The following PLEKHF1 variants were observed in gnomAD, a reference collection of about 807,000 sequenced individuals.
PLEKHF1 encodes the protein pleckstrin homology domain-containing family F member 1.
PLEKHF1 carries 1 observed loss-of-function variant against 4.1 expected under a neutral mutation model. That is an observed-to-expected ratio of 0.24 (90% CI 0.09 to 1.15). The LOEUF (loss-of-function observed/expected upper bound fraction) is 1.15. Among genes scored for constraint, PLEKHF1 ranks in the 50% most tolerant of loss-of-function variants. The pLI, the probability that PLEKHF1 is intolerant of heterozygous loss-of-function variation, is 0.52. For missense variants in PLEKHF1, 429 were observed against 400.6 expected, an observed-to-expected ratio of 1.07 and a Z score of -0.60; for synonymous variants, 182 against 178.5, an observed-to-expected ratio of 1.02 and a Z score of -0.16.
Position 29,667,466 on chromosome 19 carries a change from G to C in PLEKHF1, c.-17+1961G>C, listed in dbSNP as rs80309147. On this transcript the variant is annotated intron_variant, in intron 1 of 1. Transcript: ENST00000436066. ...ATGGAAGCAGGGTGGGTCTGCGTGCGGCCCAGGTCCCTGCAGGGAAGGAGG... is the reference window on the plus strand; with the variant it reads ...ATGGAAGCAGGGTGGGTCTGCGTGCCGCCCAGGTCCCTGCAGGGAAGGAGG... Among the ~76,000 whole-genome samples the C allele has an allele frequency of 5.8e-3, 877 of 152,288 alleles. 6 individuals carry two copies. Among genetic ancestry groups the C allele is most frequent in the Non-Finnish European group, 6.9e-3 (470 of 68,018 alleles).
At chr19:29,666,436 A>G (rs1971570353) in intron 1 of PLEKHF1, among the ~76,000 whole-genome samples, 1 of 152,172 alleles carries the variant, frequency 6.6e-6, no homozygotes, top group East Asian at 1.9e-4. Context: ...CCGGGCTGCC[A>G]AAACACAGGC....
At chr19:29,670,214 G>A (rs1971615016) in intron 1 of PLEKHF1, among the ~76,000 whole-genome samples, 1 of 152,174 alleles carries the variant, frequency 6.6e-6, no homozygotes, top group African/African-American at 2.4e-5. Flanking sequence ...TTACAGGCAT[G>A]AGCCACCACA....
Position 29,674,217 on chromosome 19 carries a change from CG to C in PLEKHF1, c.379del (p.Glu127ArgfsTer8). Reference sequence around the variant, plus strand: ...AGCGCCAGGAATGGATTAGCCACATCGAGGAGTGCGTGCGGCGGCAACTGAG... The same window carrying C: ...AGCGCCAGGAATGGATTAGCCACATCAGGAGTGCGTGCGGCGGCAACTGAG... ...TERQEWISHI[E>X]ECVRRQLRAT... On this transcript the variant is annotated frameshift_variant, in exon 2 of 2. Transcript: ENST00000436066. LOFTEE classifies it low-confidence loss of function (END_TRUNC). 6.2e-7 allele frequency: 1 copy of C among 1,612,448 alleles called. No individual in the cohort carries two copies. The highest frequency in any genetic ancestry group is 1.1e-5 in the South Asian group (1 of 91,084).
intron 1 of PLEKHF1, among the ~76,000 whole-genome samples, chr19:29,670,141 A>G (rs1971614179): frequency 6.6e-6 from 1 of 152,164 alleles, no homozygotes; most frequent in Non-Finnish European, 1.5e-5. Context: ...CATATTGGCC[A>G]GGCTGGTCTC....
chr19:29,668,999 G>A (rs1971600622), intron 1 of PLEKHF1, among the ~76,000 whole-genome samples: 1 of 152,182 alleles, frequency 6.6e-6, no homozygotes, highest in East Asian at 1.9e-4. Flanking sequence ...CCCTTTCATC[G>A]CCACCAGATG....
intron 1 of PLEKHF1, among the ~76,000 whole-genome samples, chr19:29,670,435 G>A (rs890965869): frequency 2.0e-5 from 3 of 152,176 alleles, no homozygotes; most frequent in African/African-American, 7.2e-5. Context: ...GGGCTCATTC[G>A]TGTTGTAGTG....
At chr19:29,668,857 G>C (rs759930557) in intron 1 of PLEKHF1, among the ~76,000 whole-genome samples, 23 of 152,272 alleles carry the variant, frequency 1.5e-4, no homozygotes, top group Admixed American at 1.0e-3. Flanking sequence ...GAGCATGCCG[G>C]GGCAGCTCCC....
intron 1 of PLEKHF1, among the ~76,000 whole-genome samples, chr19:29,668,898 C>A (rs1971599231): frequency 6.6e-6 from 1 of 152,184 alleles, no homozygotes. Context: ...GCCCCTCGCC[C>A]AACCTGGGAC....
At chr19:29,670,311 A>G (rs772665580) in intron 1 of PLEKHF1, among the ~76,000 whole-genome samples, 16 of 152,162 alleles carry the variant, frequency 1.1e-4, no homozygotes, top group Admixed American at 2.6e-4. Flanking sequence ...GCCCCTGGCA[A>G]CCACCATTCT....
chr19:29,667,615 G>A (rs1224779945), intron 1 of PLEKHF1, among the ~76,000 whole-genome samples: 2 of 152,102 alleles, frequency 1.3e-5, no homozygotes, highest in Non-Finnish European at 2.9e-5. Flanking sequence ...CCGAGGCAGA[G>A]CAGTTACAGC....
chr19:29,673,053 T>C (rs1334318156), intron 1 of PLEKHF1, among the ~76,000 whole-genome samples: 1 of 152,210 alleles, frequency 6.6e-6, no homozygotes, highest in East Asian at 1.9e-4. Context: ...ATCGCCTCAG[T>C]TCCCCTCCTG....
chr19:29,667,342 T>C (rs1221276748), intron 1 of PLEKHF1, among the ~76,000 whole-genome samples: 1 of 152,180 alleles, frequency 6.6e-6, no homozygotes, highest in Non-Finnish European at 1.5e-5. Flanking sequence ...GAAGTGTGCA[T>C]TCCTGAAGGG....
intron 1 of PLEKHF1, 123 bp downstream of exon 1, chr19:29,665,628 G>C (rs1198759492): frequency 1.7e-6 from 2 of 1,166,314 alleles, no homozygotes; most frequent in Non-Finnish European, 1.1e-6. Context: ...GGCGGCTCCT[G>C]GGCCGGCGGG....
In PLEKHF1 at chr19:29,674,194, C is replaced by A; in HGVS notation, c.355C>A (p.Arg119Ser). 1 of 1,613,096 alleles carries A rather than the reference C, an allele frequency of 6.2e-7. No individual in the cohort carries two copies. Among genetic ancestry groups the A allele is most frequent in the Non-Finnish European group, 8.5e-7 (1 of 1,179,864 alleles). Residue 119 changes from arginine (R) to serine (S), a missense_variant, in exon 2 of 2, where the codon CGC becomes AGC. Physicochemically the swap from Arg to Ser is moderately radical, Grantham distance 110. Transcript: ENST00000436066. Reference sequence around the variant, plus strand: ...GGTGTCGGCCGCCTCCGCTACGGAGCGCCAGGAATGGATTAGCCACATCGA... The same window carrying A: ...GGTGTCGGCCGCCTCCGCTACGGAGAGCCAGGAATGGATTAGCCACATCGA... ...FVVSAASATE[R>S]QEWISHIEEC...
chr19:29,674,313 C>A lies in PLEKHF1; in HGVS notation c.474C>A (p.Cys158Ter). The A allele has an allele frequency of 6.3e-7, 1 of 1,585,654 alleles. No homozygotes were observed. Residue 158 changes from cysteine to a stop codon, truncating the protein, a stop_gained, in exon 2 of 2, where the codon TGC (cysteine) becomes TGA (stop). Coordinates refer to ENST00000436066, the MANE Select transcript of PLEKHF1 (RefSeq NM_024310.5). LOFTEE classifies it low-confidence loss of function (END_TRUNC). ...PWIPDKATDI[C>*]MRCTQTRFSA... is the part of the protein sequence containing the mutation. ...TCCCCGACAAGGCCACGGACATCTG[C>A]ATGCGCTGCACGCAGACGCGCTTCT...
intron 1 of PLEKHF1, chr19:29,667,293 G>A (rs1485600297): frequency 6.6e-6 from 1 of 152,248 alleles, no homozygotes; most frequent in Non-Finnish European, 1.5e-5. Context: ...CTGGCTCTCA[G>A]AAAAGACCCT....
chr19:29,674,850 C>A lies in PLEKHF1; in HGVS notation c.*171C>A. On this transcript the variant is annotated 3_prime_UTR_variant, in exon 2 of 2. Coordinates refer to ENST00000436066, the MANE Select transcript of PLEKHF1 (RefSeq NM_024310.5). ...GTGCCTTTTTGCTGGACACTGTGTC[C>A]TTATGGCTTCACTGCAGGTAATGCC... 1 of 997,290 alleles carries A rather than the reference C, an allele frequency of 1.0e-6. No individual in the cohort carries two copies. The highest frequency in any genetic ancestry group is 1.4e-6 in the Non-Finnish European group (1 of 697,152). The allele number at this position is 997,290 out of a possible 1,614,324, so 61.8% of individuals were successfully genotyped here.
intron 1 of PLEKHF1, chr19:29,665,906 C>T: frequency 1.3e-6 from 1 of 744,380 alleles, no homozygotes; most frequent in Non-Finnish European, 1.7e-6. Flanking sequence ...TCTTCTCAGC[C>T]CCAGTCTGCA....
Position 29,674,483 on chromosome 19 carries a change from A to C in PLEKHF1, c.644A>C (p.Gln215Pro), listed in dbSNP as rs928598867. 1 of 1,545,056 alleles carries C rather than the reference A, an allele frequency of 6.5e-7. No individual in the cohort carries two copies. The highest frequency in any genetic ancestry group is 1.2e-5 in the South Asian group (1 of 84,316). ...TGCTACCGCGAACTGGCCGCCCAGCAGCGGCAGGAGGAGGCGGAGGAGCAG... is the reference window on the plus strand; with the variant it reads ...TGCTACCGCGAACTGGCCGCCCAGCCGCGGCAGGAGGAGGCGGAGGAGCAG... ...SLCYRELAAQQRQEEAEEQGA... is the reference protein window; with the variant it reads ...SLCYRELAAQPRQEEAEEQGA... Residue 215 changes from glutamine (Q) to proline (P), a missense_variant, in exon 2 of 2, where the codon CAG becomes CCG. Gln to Pro is a moderately conservative substitution (Grantham distance 76, BLOSUM62 -1). Transcript: ENST00000436066.
Sources: gnomAD v4.1 joint callset for allele counts (sites outside exome capture counted in the v4.1 genomes callset) on GRCh38, gnomAD v4.1.1 for gene constraint, MANE v1.5 for transcripts, NCBI Gene and HGNC (gene_info 2026-07-23, HGNC 2026-07-21) for gene names.